ACOXL: variants seen among roughly 807,000 people sequenced by gnomAD.
ACOXL encodes acyl-coenzyme A oxidase-like protein.
Under a neutral mutation model 71.9 loss-of-function variants are expected in ACOXL, and 70 were observed. The observed-to-expected ratio is 0.97, with a 90% CI of 0.80 to 1.19. The LOEUF (loss-of-function observed/expected upper bound fraction) is 1.19, where lower values mean the gene tolerates loss of function less well. Among genes scored for constraint, ACOXL ranks in the 50% most tolerant of loss-of-function variants. The probability of loss-of-function intolerance (pLI) is 0.00; values close to 1 mark genes in which losing one functional copy is unlikely to be tolerated. For missense variants in ACOXL, 703 were observed against 736.3 expected (o/e 0.95, Z 0.52); for synonymous variants, 253 against 281.6 (o/e 0.90, Z 1.02).
At chr2:111,073,186 T>C (rs1574674364) in intron 16 of ACOXL, among the ~76,000 whole-genome samples, 1 of 152,232 alleles carries the variant, frequency 6.6e-6, no homozygotes, top group East Asian at 1.9e-4. Flanking sequence ...TTTGCAAATA[T>C]CTTCTCCCAT....
chr2:110,833,332 T>TG (rs1690063875), intron 9 of ACOXL, among the ~76,000 whole-genome samples: 1 of 152,230 alleles, frequency 6.6e-6, no homozygotes, highest in African/African-American at 2.4e-5. Context: ...GGTTACATCC[T>TG]GCATGGTTAC....
At chr2:111,019,894 G>A (rs569052748) in intron 14 of ACOXL, among the ~76,000 whole-genome samples, 49 of 151,842 alleles carry the variant, frequency 3.2e-4, no homozygotes, top group Non-Finnish European at 6.5e-4. Context: ...GGAGTCTCCC[G>A]CTATCACCCA....
chr2:110,841,442 C>G (rs1380590019), intron 10 of ACOXL, 37 bp downstream of exon 10: 1 of 1,567,468 alleles, frequency 6.4e-7, no homozygotes, highest in Non-Finnish European at 8.7e-7. Context: ...TAAGAATTAT[C>G]CTTACCAGTT....
intron 12 of ACOXL, chr2:110,968,438 A>G: frequency 8.5e-7 from 1 of 1,178,554 alleles, no homozygotes; most frequent in Non-Finnish European, 1.3e-6. Context: ...ATCACGGGCC[A>G]GAATGTTGCA....
rs113503784 is a variant in ACOXL at position 110,800,140 on chromosome 2, A to G, written c.547+1040A>G. ...CTTTGTTCTTTCACTCTTCACAATA[A>G]ATCTGGATGCTGCTCACTCTTTCGG... On this transcript the variant is annotated intron_variant, in intron 7 of 17. Transcript: ENST00000439055. 1.8e-3 allele frequency among the ~76,000 whole-genome samples: 280 copies of G among 152,236 alleles called. 1 individual carries two copies. Among genetic ancestry groups the G allele is most frequent in the Non-Finnish European group, 2.7e-3 (183 of 68,000 alleles).
chr2:111,022,871 A>G (rs954092685), intron 14 of ACOXL, among the ~76,000 whole-genome samples: 2 of 152,216 alleles, frequency 1.3e-5, no homozygotes, highest in African/African-American at 4.8e-5. Flanking sequence ...AGAAGGAGGA[A>G]GAAAAAAGAC....
At chr2:111,069,581 A>G (rs1047165991) in intron 16 of ACOXL, among the ~76,000 whole-genome samples, 1 of 152,140 alleles carries the variant, frequency 6.6e-6, no homozygotes, top group Admixed American at 6.5e-5. Flanking sequence ...AAACCTAACA[A>G]TTTGGGAGGG....
intron 10 of ACOXL, among the ~76,000 whole-genome samples, chr2:110,876,230 C>T (rs942428682): frequency 6.6e-6 from 1 of 152,186 alleles, no homozygotes; most frequent in Non-Finnish European, 1.5e-5. Context: ...GCAACTCCAG[C>T]GTGGCAGGTT....
At chr2:110,804,674 C>T (rs1394183566) in intron 8 of ACOXL, among the ~76,000 whole-genome samples, 3 of 152,312 alleles carry the variant, frequency 2.0e-5, no homozygotes, top group African/African-American at 4.8e-5. Context: ...AGTACTAACA[C>T]GTGCTACAAC....
At chr2:110,753,505 C>G (rs1335186800) in intron 1 of ACOXL, among the ~76,000 whole-genome samples, 5 of 152,204 alleles carry the variant, frequency 3.3e-5, no homozygotes, top group African/African-American at 7.2e-5. Context: ...CACAAGAGCA[C>G]AGTACAATGT....
chr2:111,039,426 C>T (rs1219840286), intron 15 of ACOXL, among the ~76,000 whole-genome samples: 1 of 150,596 alleles, frequency 6.6e-6, no homozygotes, highest in South Asian at 2.1e-4. Context: ...AAAAAGGCAG[C>T]GTTTATCCTC....
intron 11 of ACOXL, among the ~76,000 whole-genome samples, chr2:110,927,568 C>T (rs2060320713): frequency 6.6e-6 from 1 of 152,216 alleles, no homozygotes; most frequent in African/African-American, 2.4e-5. Flanking sequence ...GCCAACTTCT[C>T]TAAGACACTC....
intron 17 of ACOXL, chr2:111,093,846 A>G (rs538186817): frequency 8.5e-6 from 2 of 234,838 alleles, no homozygotes; most frequent in Non-Finnish European, 1.6e-5. Context: ...TTTGGACTAC[A>G]GAGTGAGACT....
chr2:110,803,938 T>A (rs937058985), intron 8 of ACOXL, among the ~76,000 whole-genome samples: 1 of 151,268 alleles, frequency 6.6e-6, no homozygotes, highest in African/African-American at 2.4e-5. Context: ...ATTAGGAAGA[T>A]ACGAATCAAA....
At chr2:110,815,771 G>A (rs574587566) in intron 9 of ACOXL, among the ~76,000 whole-genome samples, 1 of 152,326 alleles carries the variant, frequency 6.6e-6, no homozygotes, top group Admixed American at 6.5e-5. Context: ...GGCCCTGAGT[G>A]GGGTGCCCAA....
At chr2:110,984,004 C>T (rs757446054) in intron 12 of ACOXL, among the ~76,000 whole-genome samples, 13 of 151,974 alleles carry the variant, frequency 8.6e-5, no homozygotes, top group African/African-American at 1.2e-4. Context: ...CCACCATGCC[C>T]GGCTAATTTT....
intron 14 of ACOXL, among the ~76,000 whole-genome samples, chr2:110,999,215 T>C (rs1161002668): frequency 6.6e-6 from 1 of 152,160 alleles, no homozygotes; most frequent in East Asian, 1.9e-4. Flanking sequence ...CTACCTCTCA[T>C]GGCCATCCAT....
chr2:110,749,729 GA>G (rs1678677410), intron 1 of ACOXL, among the ~76,000 whole-genome samples: 1 of 152,142 alleles, frequency 6.6e-6, no homozygotes, highest in South Asian at 2.1e-4. Flanking sequence ...CTGCATCTCA[GA>G]AAAACAAAGC....
chr2:110,917,910 C>A (rs2149276835), intron 11 of ACOXL, among the ~76,000 whole-genome samples: 1 of 152,236 alleles, frequency 6.6e-6, no homozygotes, highest in South Asian at 2.1e-4. Flanking sequence ...AGAGAGGACA[C>A]AATCAAATGG....
Sources: gnomAD v4.1 joint callset for allele counts (sites outside exome capture counted in the v4.1 genomes callset) on GRCh38, gnomAD v4.1.1 for gene constraint, MANE v1.5 for transcripts, NCBI Gene and HGNC (gene_info 2026-07-23, HGNC 2026-07-21) for gene names.